The following BCL11A variants were observed in gnomAD, a reference collection of about 807,000 sequenced individuals.
BCL11A encodes the protein BCL11 transcription factor A, also known as B cell CLL/lymphoma 11A.
In BCL11A, 2 loss-of-function variants were observed where a neutral mutation model predicts 55.9. That is an observed-to-expected ratio of 0.04 (90% CI 0.01 to 0.11). BCL11A has a LOEUF of 0.11. Ranked by LOEUF, BCL11A falls within the 10% of genes least tolerant of loss-of-function variation. The probability of loss-of-function intolerance (pLI) is 1.00; values close to 1 mark genes in which losing one functional copy is unlikely to be tolerated. For synonymous variants in BCL11A, 465 were observed against 473.4 expected (o/e 0.98, Z 0.23); for missense variants, 817 against 1,137.1 (o/e 0.72, Z 4.05).
intron 2 of BCL11A, among the ~76,000 whole-genome samples, chr2:60,504,631 C>T (rs72962586): frequency 0.026 from 3,981 of 152,276 alleles, 161 homozygotes; most frequent in African/African-American, 0.089. Context: ...CCCAAGCCCT[C>T]CTAGTCAGAA....
At chr2:60,530,228 CT>C (rs1467620613) in intron 2 of BCL11A, among the ~76,000 whole-genome samples, 4 of 152,128 alleles carry the variant, frequency 2.6e-5, no homozygotes, top group Admixed American at 1.3e-4. Context: ...TTCCCCACCC[CT>C]GGCCTTTCTT....
At chr2:60,499,157 G>A (rs1321676242) in intron 2 of BCL11A, among the ~76,000 whole-genome samples, 6 of 152,184 alleles carry the variant, frequency 3.9e-5, no homozygotes, top group Non-Finnish European at 8.8e-5. Flanking sequence ...CTCTGGTCTC[G>A]GGGCCCAAGC....
intron 2 of BCL11A, 34 bp downstream of exon 2, chr2:60,545,937 A>G (rs1448098988): frequency 3.2e-6 from 5 of 1,581,122 alleles, no homozygotes; most frequent in Non-Finnish European, 4.3e-6. Context: ...AAAAGAAAAC[A>G]TGCAAACAGC....
intron 1 of BCL11A, among the ~76,000 whole-genome samples, chr2:60,551,286 T>C (rs1670403591): frequency 6.6e-6 from 1 of 152,240 alleles, no homozygotes. Flanking sequence ...CCACCAGCTC[T>C]TATACAGACT....
chr2:60,462,575 G>A (rs1220612181), intron 3 of BCL11A, 151 bp from the exon 4 acceptor site: 9 of 1,352,068 alleles, frequency 6.7e-6, no homozygotes, highest in Non-Finnish European at 4.8e-6. Flanking sequence ...TGCCTGGCAC[G>A]TCTGAGCATG....
rs1180856571 is a variant in BCL11A at position 60,457,557 on chromosome 2, A to C, written c.*2847T>G. 9.6e-7 allele frequency: 1 copy of C among 1,046,726 alleles called. No homozygotes were observed. The highest frequency in any genetic ancestry group is 1.2e-6 in the Non-Finnish European group (1 of 867,292). The allele number at this position is 1,046,726 out of a possible 1,614,324, so 64.8% of individuals were successfully genotyped here. A position where few individuals can be genotyped will look rare whatever the true frequency, so the allele number is the denominator to read the frequency against. On this transcript the variant is annotated 3_prime_UTR_variant, in exon 4 of 4. Transcript: ENST00000642384. ...TATTCTGCATTGCCATTTACAAAAA[A>C]GTATTGACTAAAGCGGGCTTTCTCT...
rs1167385334 is a variant in BCL11A, at chr2:60,553,536, A to AGAGG, written c.-270_-267dup. The AGAGG allele has an allele frequency of 7.5e-6, 3 of 398,154 alleles. No homozygotes were observed. The highest frequency in any genetic ancestry group is 2.3e-5 in the African/African-American group (1 of 42,768). 24.7% of individuals were successfully genotyped at this position (398,154 alleles called of 1,614,324 possible). A position where few individuals can be genotyped will look rare whatever the true frequency, so the allele number is the denominator to read the frequency against. On this transcript the variant is annotated 5_prime_UTR_variant, in exon 1 of 4. Coordinates refer to ENST00000642384, the MANE Select transcript of BCL11A (RefSeq NM_022893.4). The stretch of plus-strand genomic sequence containing the variant: ...AGAGGGAGAGAGAGAGAAGAGAGAT[A>AGAGG]GAGGGAGAGAGAGAGAGAGAGATGA...
chr2:60,459,715 TTC>T lies in BCL11A; in HGVS notation c.*687_*688del. ...AAAACCAAATGATAGAATAAACTTGTTCTGTTTTTCTGTTAATTTGTCAATTC... is the reference window on the plus strand; with the variant it reads ...AAAACCAAATGATAGAATAAACTTGTTGTTTTTCTGTTAATTTGTCAATTC... On this transcript the variant is annotated 3_prime_UTR_variant, in exon 4 of 4. Transcript: ENST00000642384. 1 of 1,037,056 alleles carries T rather than the reference TTC, an allele frequency of 9.6e-7. No homozygotes were observed. The highest frequency in any genetic ancestry group is 1.2e-6 in the Non-Finnish European group (1 of 861,116). The allele number at this position is 1,037,056 out of a possible 1,614,324, so 64.2% of individuals were successfully genotyped here. A position where few individuals can be genotyped will look rare whatever the true frequency, so the allele number is the denominator to read the frequency against.
intron 2 of BCL11A, among the ~76,000 whole-genome samples, chr2:60,476,686 T>G (rs778654425): frequency 3.3e-5 from 5 of 152,252 alleles, no homozygotes; most frequent in Non-Finnish European, 7.3e-5. Flanking sequence ...TTGGCAGGGC[T>G]TCTAACATTT....
chr2:60,483,887 G>C (rs1678110569), intron 2 of BCL11A: 1 of 101,762 alleles, frequency 9.8e-6, no homozygotes, highest in Non-Finnish European at 2.1e-5. Flanking sequence ...TTTCTTTCTT[G>C]GTTGCTTTTT....
intron 3 of BCL11A, among the ~76,000 whole-genome samples, chr2:60,467,201 ATGGCGGTGATGGTACTGGTGATGG>A (rs1676723060): frequency 1.5e-5 from 1 of 66,056 alleles, no homozygotes; most frequent in Non-Finnish European, 3.1e-5. Context: ...GGTGGTGGTG[ATGGCGGTGATGGTACTGGTGATGG>A]TGGTGGTGGT....
chr2:60,451,155 A>C, exon 5 of BCL11A: 1 of 188,924 alleles, frequency 5.3e-6, no homozygotes, highest in East Asian at 8.4e-5. Context: ...AGTATAAGGT[A>C]GTTCACTACT....
chr2:60,510,842 A>G (rs45488794), intron 2 of BCL11A, among the ~76,000 whole-genome samples: 11,992 of 152,248 alleles, frequency 0.079, 646 homozygotes, highest in Middle Eastern at 0.12. Flanking sequence ...CATTTTCCCC[A>G]CAGGCCCTGA....
intron 2 of BCL11A, among the ~76,000 whole-genome samples, chr2:60,512,728 T>C (rs1483439927): frequency 1.3e-5 from 2 of 152,222 alleles, no homozygotes; most frequent in Non-Finnish European, 2.9e-5. Context: ...CCTACGTTAC[T>C]TGAAGTTGGT....
At chr2:60,549,683 C>G (rs562588212) in intron 1 of BCL11A, 1 of 152,340 alleles carries the variant, frequency 6.6e-6, no homozygotes, top group Non-Finnish European at 1.5e-5. Flanking sequence ...CATGCCCGTC[C>G]AGCTCGGCCA....
intron 2 of BCL11A, among the ~76,000 whole-genome samples, chr2:60,519,622 G>A (rs921800809): frequency 2.6e-5 from 4 of 151,882 alleles, no homozygotes; most frequent in Admixed American, 2.6e-4. Flanking sequence ...GAAATCTGAC[G>A]TGCTTTGCAA....
downstream of BCL11A, among the ~76,000 whole-genome samples, chr2:60,453,532 C>T (rs1356561369): frequency 5.3e-5 from 8 of 152,224 alleles, no homozygotes; most frequent in Non-Finnish European, 1.2e-4. Context: ...GCATCCCACC[C>T]CTGAGCAGAG....
At chr2:60,501,249 G>T (rs948756479) in intron 2 of BCL11A, among the ~76,000 whole-genome samples, 10 of 152,146 alleles carry the variant, frequency 6.6e-5, no homozygotes, top group Admixed American at 1.3e-4. Context: ...AACCTGTAGT[G>T]CTACTTGCCA....
chr2:60,478,311 T>C (rs1372397788), intron 2 of BCL11A: 2 of 152,312 alleles, frequency 1.3e-5, no homozygotes, highest in African/African-American at 4.8e-5. Context: ...TGTCCTGCTG[T>C]GGACAGGGAG....
Sources: gnomAD v4.1 joint callset for allele counts (sites outside exome capture counted in the v4.1 genomes callset) on GRCh38, gnomAD v4.1.1 for gene constraint, MANE v1.5 for transcripts, NCBI Gene and HGNC (gene_info 2026-07-23, HGNC 2026-07-21) for gene names.